DST: variants seen among roughly 807,000 people sequenced by gnomAD.
The protein encoded by DST is bullous pemphigoid antigen.
Under a neutral mutation model 875.2 loss-of-function variants are expected in DST, and 253 were observed. The ratio of observed to expected loss-of-function variants is 0.29; its 90% CI spans 0.26 to 0.32. The LOEUF (loss-of-function observed/expected upper bound fraction) is 0.32, where lower values mean the gene tolerates loss of function less well. DST is among the 10% of genes least tolerant of loss of function. The pLI is 1.00. For missense variants in DST, 8,287 were observed against 9,111.6 expected (o/e 0.91, Z 3.68); for synonymous variants, 3,124 against 3,197.1 (o/e 0.98, Z 0.77).
chr6:56,895,773 G>A (rs1386546524), intron 3 of DST, among the ~76,000 whole-genome samples: 1 of 1,912 alleles, frequency 5.2e-4, no homozygotes, highest in East Asian at 4.1e-3. Context: ...CCGGCACCTC[G>A]GGAGGCCGAG....
At position 56,502,083 on chromosome 6, in the gene DST, C is replaced by T. The variant is rs572882138; in HGVS notation, c.19567-390G>A. Among the ~76,000 whole-genome samples the T allele has an allele frequency of 1.6e-4, 24 of 152,106 alleles. No individual in the cohort carries two copies. The South Asian group carries it at 4.6e-3, about 29-fold the overall frequency. On this transcript the variant is annotated intron_variant, in intron 78 of 103. Coordinates refer to ENST00000680361, the MANE Select transcript of DST (RefSeq NM_001374736.1). ...TGAAAGCCAAAAAAGTCTTAAGAAA[C>T]TCAAATTAGTATTTCCTGCTCTGAA...
chr6:56,881,365 C>T (rs764347258), intron 3 of DST, among the ~76,000 whole-genome samples: 4 of 151,910 alleles, frequency 2.6e-5, no homozygotes, highest in Admixed American at 2.0e-4. Context: ...CCCAGCTACT[C>T]AAGAGGCTGA....
intron 4 of DST, among the ~76,000 whole-genome samples, chr6:56,780,962 G>C (rs1590181556): frequency 6.6e-6 from 1 of 152,200 alleles, no homozygotes; most frequent in African/African-American, 2.4e-5. Context: ...AGTTTTCCCA[G>C]CACCATTTAT....
intron 72 of DST, among the ~76,000 whole-genome samples, chr6:56,513,060 T>A (rs1371136677): frequency 6.6e-6 from 1 of 152,200 alleles, no homozygotes; most frequent in Non-Finnish European, 1.5e-5. Flanking sequence ...CTCCTGTCAA[T>A]GTTCTTTCAG....
intron 10 of DST, among the ~76,000 whole-genome samples, chr6:56,657,670 G>GTA (rs1326561771): frequency 1.3e-5 from 2 of 152,164 alleles, no homozygotes; most frequent in African/African-American, 2.4e-5. Flanking sequence ...GGTGATGGTT[G>GTA]TACAACAAAG....
In DST at chr6:56,704,377, G is replaced by A; in HGVS notation, c.688-8C>T. 6.8e-7 allele frequency: 1 copy of A among 1,466,116 alleles called. No individual in the cohort carries two copies. Among genetic ancestry groups the A allele is most frequent in the Non-Finnish European group, 9.3e-7 (1 of 1,079,260 alleles). 90.8% of individuals were successfully genotyped at this position (1,466,116 alleles called of 1,614,324 possible). Reference sequence around the variant, plus strand: ...ATTCACATGTTTTCGAACCTATAAAGAGAAAAGCAAAATTTGGGGTCCTAG... The same window carrying A: ...ATTCACATGTTTTCGAACCTATAAAAAGAAAAGCAAAATTTGGGGTCCTAG... On this transcript the variant is annotated splice_region_variant and splice_polypyrimidine_tract_variant and intron_variant, in intron 5 of 103. Transcript: ENST00000680361.
At chr6:56,540,176 CATT>C (rs764161579) in intron 61 of DST, 38 of 152,556 alleles carry the variant, frequency 2.5e-4, no homozygotes, top group Non-Finnish European at 5.0e-4. Context: ...GTGTGGATTT[CATT>C]ATTATTAGAA....
intron 10 of DST, among the ~76,000 whole-genome samples, chr6:56,657,774 A>T (rs1216198230): frequency 6.6e-6 from 1 of 151,806 alleles, no homozygotes; most frequent in African/African-American, 2.4e-5. Context: ...TTTATTATTT[A>T]TTTTTTTTGA....
rs772452393 is a variant in DST, at chr6:56,485,327, C to A, written c.21192G>T (p.Leu7064=). Residue 7064 remains leucine, a synonymous_variant, in exon 88 of 104, where the codon CTG becomes CTT. Coordinates refer to ENST00000680361, the MANE Select transcript of DST (RefSeq NM_001374736.1). ...VHGDIDLVMN[L]IDNHKAFQKE... Reference sequence around the variant, plus strand: ...ATAACAATACCTTGTGATTATCGATCAGATTCATCACCAAATCAATGTCTC... The same window carrying A: ...ATAACAATACCTTGTGATTATCGATAAGATTCATCACCAAATCAATGTCTC... 5.0e-6 allele frequency: 8 copies of A among 1,613,730 alleles called. No homozygotes were observed. In the East Asian group the frequency reaches 1.8e-4, roughly 36 times the overall value.
At chr6:56,570,506 A>G (rs1259640915) in intron 53 of DST, among the ~76,000 whole-genome samples, 2 of 152,078 alleles carry the variant, frequency 1.3e-5, no homozygotes, top group South Asian at 2.1e-4. Context: ...TCCTGGTCCT[A>G]TGAGAATCTA....
chr6:56,743,267 C>CA (rs151196241), intron 4 of DST, among the ~76,000 whole-genome samples: 2,168 of 150,666 alleles, frequency 0.014, 58 homozygotes, highest in African/African-American at 0.051. Flanking sequence ...TAGTTAATTC[C>CA]AAAAAACAAA....
chr6:56,590,457 A>G (rs545328940), intron 49 of DST, among the ~76,000 whole-genome samples: 6 of 152,292 alleles, frequency 3.9e-5, no homozygotes, highest in Admixed American at 3.3e-4. Flanking sequence ...TGCAATCAAT[A>G]ATTATTTTAA....
intron 10 of DST, among the ~76,000 whole-genome samples, chr6:56,652,782 C>T (rs1185295819): frequency 6.6e-6 from 1 of 152,172 alleles, no homozygotes; most frequent in African/African-American, 2.4e-5. Context: ...TGTTTTCAAC[C>T]TGCCACCAAT....
chr6:56,648,761 A>G, intron 12 of DST, 72 bp from the exon 13 acceptor site: 1 of 1,302,230 alleles, frequency 7.7e-7, no homozygotes, highest in Non-Finnish European at 1.0e-6. Context: ...CAATTTAGTC[A>G]GAAGTCATTC....
At chr6:56,834,864 T>G (rs2099791687) in intron 4 of DST, among the ~76,000 whole-genome samples, 1 of 152,166 alleles carries the variant, frequency 6.6e-6, no homozygotes, top group African/African-American at 2.4e-5. Flanking sequence ...CACAAATGAC[T>G]TGAAAACATG....
chr6:56,681,356 C>G (rs1305091728), intron 9 of DST, among the ~76,000 whole-genome samples: 3 of 152,280 alleles, frequency 2.0e-5, no homozygotes, highest in African/African-American at 7.2e-5. Context: ...TGTGCTCCAG[C>G]CACAGTGAAC....
intron 3 of DST, among the ~76,000 whole-genome samples, chr6:56,872,824 C>CG (rs1554220766): frequency 1.9e-5 from 2 of 103,116 alleles, no homozygotes; most frequent in African/African-American, 7.2e-5. Flanking sequence ...ACACTGATTC[C>CG]CCCCCCCCTT....
At chr6:56,612,872 T>A (rs2098556618) in intron 37 of DST, among the ~76,000 whole-genome samples, 1 of 152,084 alleles carries the variant, frequency 6.6e-6, no homozygotes, top group Admixed American at 6.6e-5. Flanking sequence ...ACAAAAAAAT[T>A]TTTTTTAATT....
chr6:56,633,207 T>A (rs866874965), intron 27 of DST, among the ~76,000 whole-genome samples, 170 bp from the exon 28 acceptor site: 2 of 151,620 alleles, frequency 1.3e-5, no homozygotes, highest in Non-Finnish European at 2.9e-5. Flanking sequence ...TTTTTTTTGT[T>A]TTTTGTTTTG....
Sources: allele counts gnomAD v4.1 joint callset (sites outside exome capture counted in the v4.1 genomes callset), GRCh38; gene constraint gnomAD v4.1.1; transcripts MANE v1.5; gene names NCBI Gene and HGNC (gene_info 2026-07-23, HGNC 2026-07-21).